CACNA2D1: variants seen among roughly 807,000 people sequenced by gnomAD.
CACNA2D1 encodes calcium voltage-gated channel auxiliary subunit alpha2delta 1.
A neutral mutation model predicts 171.5 loss-of-function variants in CACNA2D1; 53 were observed. That is an observed-to-expected ratio of 0.31 (90% CI 0.25 to 0.39). The LOEUF is 0.39. Ranked by LOEUF, CACNA2D1 falls within the 10% of genes least tolerant of loss-of-function variation. The pLI, the probability that CACNA2D1 is intolerant of heterozygous loss-of-function variation, is 1.00. For synonymous variants in CACNA2D1, 442 were observed against 443.1 expected (o/e 1.00, Z 0.03); for missense variants, 903 against 1,299.8 (o/e 0.69, Z 4.69).
chr7:82,119,312 G>T (rs564782923), intron 5 of CACNA2D1, among the ~76,000 whole-genome samples: 1 of 152,060 alleles, frequency 6.6e-6, no homozygotes, highest in Non-Finnish European at 1.5e-5. Flanking sequence ...TTGATAAAAC[G>T]AAACTGACAC....
intron 3 of CACNA2D1, among the ~76,000 whole-genome samples, chr7:82,266,541 AT>A (rs1462514367): frequency 1.3e-5 from 2 of 151,756 alleles, no homozygotes; most frequent in African/African-American, 4.8e-5. Context: ...TTTGAGATGG[AT>A]TTTTGCTCTT....
chr7:82,151,745 A>C (rs1793877867), intron 4 of CACNA2D1, among the ~76,000 whole-genome samples: 1 of 152,122 alleles, frequency 6.6e-6, no homozygotes, highest in Non-Finnish European at 1.5e-5. Context: ...GGAACAAAGG[A>C]ACACATCAAC....
intron 3 of CACNA2D1, among the ~76,000 whole-genome samples, chr7:82,332,073 T>C (rs1271130205): frequency 6.6e-6 from 1 of 152,318 alleles, no homozygotes; most frequent in African/African-American, 2.4e-5. Context: ...TTATTTTTAT[T>C]TTTTTGAGAC....
intron 6 of CACNA2D1, among the ~76,000 whole-genome samples, chr7:82,097,488 G>A (rs2129029650): frequency 6.6e-6 from 1 of 152,228 alleles, no homozygotes; most frequent in East Asian, 1.9e-4. Context: ...ACAGGCCACA[G>A]TAACAAATGT....
intron 1 of CACNA2D1, among the ~76,000 whole-genome samples, chr7:82,435,522 C>A (rs1351836897): frequency 6.6e-6 from 1 of 152,134 alleles, no homozygotes; most frequent in African/African-American, 2.4e-5. Context: ...AATTCTTCTT[C>A]CTTTCCTGAT....
intron 3 of CACNA2D1, among the ~76,000 whole-genome samples, chr7:82,303,803 T>C (rs1813355432): frequency 6.6e-6 from 1 of 152,160 alleles, no homozygotes; most frequent in Non-Finnish European, 1.5e-5. Flanking sequence ...TACATTGGTC[T>C]AGGCAACAAT....
intron 3 of CACNA2D1, among the ~76,000 whole-genome samples, chr7:82,265,559 T>C (rs941553909): frequency 3.2e-4 from 48 of 151,968 alleles, no homozygotes; most frequent in African/African-American, 1.1e-3. Flanking sequence ...GACTCACAGA[T>C]ATATTTCCAG....
chr7:82,224,514 C>T (rs749306314), intron 3 of CACNA2D1, among the ~76,000 whole-genome samples: 1 of 151,932 alleles, frequency 6.6e-6, no homozygotes, highest in Non-Finnish European at 1.5e-5. Context: ...ACCCAGGAGG[C>T]GGGGGTTGCA....
At chr7:82,212,685 C>A (rs1800690089) in intron 3 of CACNA2D1, among the ~76,000 whole-genome samples, 1 of 152,158 alleles carries the variant, frequency 6.6e-6, no homozygotes, top group African/African-American at 2.4e-5. Flanking sequence ...GCCCTTTAGA[C>A]TTTGTCTGAA....
At chr7:82,064,490 G>GTCA in intron 8 of CACNA2D1, 136 bp from the exon 9 acceptor site, 1 of 583,768 alleles carries the variant, frequency 1.7e-6, no homozygotes, top group Non-Finnish European at 3.2e-6. Flanking sequence ...AGTAGACAAT[G>GTCA]GTTTTCCATT....
intron 3 of CACNA2D1, among the ~76,000 whole-genome samples, chr7:82,258,546 TAC>T (rs1269552488): frequency 6.6e-6 from 1 of 152,150 alleles, no homozygotes; most frequent in Non-Finnish European, 1.5e-5. Context: ...TAACCACTAG[TAC>T]TCTGACAAAC....
At chr7:82,334,195 C>T (rs1047223682) in intron 3 of CACNA2D1, among the ~76,000 whole-genome samples, 2 of 152,064 alleles carry the variant, frequency 1.3e-5, no homozygotes, top group Admixed American at 6.6e-5. Flanking sequence ...CACATGTCGG[C>T]CAGAATATGT....
intron 2 of CACNA2D1, among the ~76,000 whole-genome samples, chr7:82,337,217 A>G (rs2129444578): frequency 6.6e-6 from 1 of 152,260 alleles, no homozygotes. Flanking sequence ...AAAGTCTAGA[A>G]CCCCTAGTGT....
At chr7:82,023,969 G>C (rs1290878575) in intron 12 of CACNA2D1, 2 of 151,648 alleles carry the variant, frequency 1.3e-5, no homozygotes, top group Non-Finnish European at 3.0e-5. Context: ...GTTCATCCAG[G>C]TTTGCACATA....
intron 3 of CACNA2D1, among the ~76,000 whole-genome samples, chr7:82,180,663 A>G (rs1202916230): frequency 6.6e-6 from 1 of 152,142 alleles, no homozygotes; most frequent in Non-Finnish European, 1.5e-5. Context: ...TGTGAGGAGG[A>G]ATTAGTCCTA....
intron 1 of CACNA2D1, among the ~76,000 whole-genome samples, chr7:82,380,639 T>C (rs898533165): frequency 1.3e-5 from 2 of 152,108 alleles, no homozygotes; most frequent in Admixed American, 1.3e-4. Flanking sequence ...TTTCACAAAA[T>C]TATAAATTTT....
At position 82,308,393 on chromosome 7, in the gene CACNA2D1, T is replaced by C. The variant is rs142173345; in HGVS notation, c.294+26742A>G. Among the ~76,000 whole-genome samples, 335 of 152,300 alleles carry C rather than the reference T, an allele frequency of 2.2e-3. 1 individual carries two copies. The highest frequency in any genetic ancestry group is 7.8e-3 in the African/African-American group (326 of 41,556). On this transcript the variant is annotated intron_variant, in intron 3 of 38. Coordinates refer to ENST00000356860, the MANE Select transcript of CACNA2D1 (RefSeq NM_000722.4). ...CCTTCAAAACACAGCGAAGGTGCCATTGTCTCCTTTTTGGGTAACCTATCT... is the reference window on the plus strand; with the variant it reads ...CCTTCAAAACACAGCGAAGGTGCCACTGTCTCCTTTTTGGGTAACCTATCT...
At chr7:82,108,755 G>A (rs1257100276) in intron 6 of CACNA2D1, among the ~76,000 whole-genome samples, 1 of 152,142 alleles carries the variant, frequency 6.6e-6, no homozygotes, top group Non-Finnish European at 1.5e-5. Context: ...AAAAGATAGT[G>A]AAAGTAAAGG....
At chr7:82,312,324 C>T (rs1313387883) in intron 3 of CACNA2D1, among the ~76,000 whole-genome samples, 2 of 152,142 alleles carry the variant, frequency 1.3e-5, no homozygotes, top group Non-Finnish European at 2.9e-5. Context: ...CTCCAATCTA[C>T]TGTTTCCAAT....
Sources: gnomAD v4.1 joint callset for allele counts (sites outside exome capture counted in the v4.1 genomes callset) on GRCh38, gnomAD v4.1.1 for gene constraint, MANE v1.5 for transcripts, NCBI Gene and HGNC (gene_info 2026-07-23, HGNC 2026-07-21) for gene names.